The following POU6F2 variants were observed in gnomAD, a reference collection of about 807,000 sequenced individuals.
The protein encoded by POU6F2 is POU class 6 homeobox 2.
POU6F2 carries 31 observed loss-of-function variants against 71.3 expected under a neutral mutation model. That is an observed-to-expected ratio of 0.43 (90% CI 0.33 to 0.59). The LOEUF (loss-of-function observed/expected upper bound fraction) is 0.59, where lower values mean the gene tolerates loss of function less well. Ranked by LOEUF, POU6F2 falls within the 20% of genes least tolerant of loss-of-function variation. The pLI is 0.04. For synonymous variants in POU6F2, 347 were observed against 355.7 expected (o/e 0.98, Z 0.27); for missense variants, 783 against 856.8 (o/e 0.91, Z 1.07).
At chr7:39,430,483 G>A (rs765566950) in intron 6 of POU6F2, among the ~76,000 whole-genome samples, 5 of 152,210 alleles carry the variant, frequency 3.3e-5, no homozygotes, top group East Asian at 1.9e-4. Flanking sequence ...CATAGGCAGC[G>A]CCATGTTTTA....
intron 4 of POU6F2, among the ~76,000 whole-genome samples, chr7:39,273,652 A>G (rs1326535173): frequency 2.0e-5 from 3 of 152,050 alleles, no homozygotes; most frequent in Non-Finnish European, 4.4e-5. Context: ...AACTGGAAAA[A>G]GCCTGTAAGA....
At chr7:39,087,153 TTA>T (rs774224021) in intron 2 of POU6F2, among the ~76,000 whole-genome samples, 36,389 of 138,524 alleles carry the variant, frequency 0.26, 4,773 homozygotes, top group South Asian at 0.4. Flanking sequence ...TATTAATTAA[TTA>T]ATTAATTTAT....
At chr7:39,373,052 T>C (rs75616374) in intron 5 of POU6F2, among the ~76,000 whole-genome samples, 22,508 of 152,206 alleles carry the variant, frequency 0.15, 1,881 homozygotes, top group Admixed American at 0.22. Flanking sequence ...TGTGTGATCT[T>C]AGGCAAGTTG....
chr7:38,987,510 T>A (rs1292341722), intron 1 of POU6F2, among the ~76,000 whole-genome samples: 1 of 152,148 alleles, frequency 6.6e-6, no homozygotes, highest in African/African-American at 2.4e-5. Context: ...TTCATGGTAA[T>A]TAATGTCAGT....
chr7:39,331,487 T>C (rs1254231362), intron 4 of POU6F2, among the ~76,000 whole-genome samples: 1 of 152,058 alleles, frequency 6.6e-6, no homozygotes. Context: ...GGTATCTCAC[T>C]CCGGTTTTGT....
Position 39,400,409 on chromosome 7 carries a change from C to G in POU6F2, c.973-6191C>G, listed in dbSNP as rs192191366. Among the ~76,000 whole-genome samples the G allele has an allele frequency of 9.2e-5, 14 of 152,334 alleles. No individual in the cohort carries two copies. In the East Asian group the frequency reaches 2.7e-3, roughly 29 times the overall value. The stretch of plus-strand genomic sequence containing the variant: ...GAGTTGCCCCCACACCTTGGGCTTT[C>G]AATGACCTGCATCTGAAGGCTTTCT... On this transcript the variant is annotated intron_variant, in intron 5 of 9. Transcript: ENST00000518318.
chr7:39,320,569 T>C (rs1442497168), intron 4 of POU6F2, among the ~76,000 whole-genome samples: 6 of 152,208 alleles, frequency 3.9e-5, no homozygotes, highest in Admixed American at 3.9e-4. Flanking sequence ...TGTTCTAATG[T>C]TGGCTAACAA....
chr7:39,012,809 T>G (rs1405330994), intron 1 of POU6F2, among the ~76,000 whole-genome samples: 1 of 151,310 alleles, frequency 6.6e-6, no homozygotes, highest in African/African-American at 2.4e-5. Context: ...GTGCCCCTGC[T>G]GGGGGGTGCC....
intron 1 of POU6F2, among the ~76,000 whole-genome samples, chr7:38,979,803 A>G (rs10263813): frequency 0.046 from 7,036 of 152,196 alleles, 420 homozygotes; most frequent in African/African-American, 0.14. Flanking sequence ...GGTTCTTAAT[A>G]CCGTGCAGAA....
intron 2 of POU6F2, among the ~76,000 whole-genome samples, chr7:39,113,147 G>A (rs769005694): frequency 8.5e-5 from 13 of 152,132 alleles, no homozygotes; most frequent in Non-Finnish European, 1.6e-4. Context: ...TCAAGGAAGG[G>A]CCTCTTGGTA....
chr7:39,369,848 A>ATT lies in POU6F2; in HGVS notation c.972+29847_972+29848dup, dbSNP rs534189300. On this transcript the variant is annotated intron_variant, in intron 5 of 9. Transcript: ENST00000518318. Reference sequence around the variant, plus strand: ...ACAGACACACACCACCACTCGCAGCATTTTTTTTTTTTTTTGGTGGGGGTG... The same window carrying ATT: ...ACAGACACACACCACCACTCGCAGCATTTTTTTTTTTTTTTTTGGTGGGGGTG... 8.4e-4 allele frequency among the ~76,000 whole-genome samples: 114 copies of ATT among 135,474 alleles called. 1 individual carries two copies. The highest frequency in any genetic ancestry group is 1.1e-3 in the Non-Finnish European group (69 of 62,652). The allele number at this position is 135,474 out of a possible 152,430, so 88.9% of individuals were successfully genotyped here.
chr7:39,227,709 C>A (rs535033330), intron 4 of POU6F2, among the ~76,000 whole-genome samples: 1 of 152,240 alleles, frequency 6.6e-6, no homozygotes, highest in African/African-American at 2.4e-5. Context: ...CATCCGCCAC[C>A]ACGCTTGGCT....
chr7:39,024,388 G>A (rs1448882065), intron 1 of POU6F2, among the ~76,000 whole-genome samples: 1 of 151,932 alleles, frequency 6.6e-6, no homozygotes, highest in Non-Finnish European at 1.5e-5. Context: ...TTGCTTATCA[G>A]CTTAAGGAGA....
In POU6F2 at chr7:39,113,588, A is replaced by C. The variant is rs529974469; in HGVS notation, c.277+27557A>C. Among the ~76,000 whole-genome samples, 5 of 152,330 alleles carry C rather than the reference A, an allele frequency of 3.3e-5. No homozygotes were observed. In the East Asian group the frequency reaches 5.8e-4, roughly 18 times the overall value. ...TAAAGATCTGGCCAGCAACCTAGTC[A>C]ACTCGAAACAATCTGGAAATTTGAA... On this transcript the variant is annotated intron_variant, in intron 2 of 9. Transcript: ENST00000518318.
At chr7:39,015,460 A>G (rs1412360315) in intron 1 of POU6F2, among the ~76,000 whole-genome samples, 1 of 123,460 alleles carries the variant, frequency 8.1e-6, no homozygotes, top group Non-Finnish European at 1.6e-5. Context: ...ATATTATTAT[A>G]TATAGATATA....
intron 2 of POU6F2, among the ~76,000 whole-genome samples, chr7:39,176,738 AAT>A (rs1584584164): frequency 6.6e-6 from 1 of 152,240 alleles, no homozygotes; most frequent in East Asian, 1.9e-4. Context: ...GTTAGCAAGA[AAT>A]AACACATTTT....
intron 4 of POU6F2, among the ~76,000 whole-genome samples, chr7:39,282,583 G>A (rs116774802): frequency 6.6e-6 from 1 of 152,232 alleles, no homozygotes; most frequent in East Asian, 1.9e-4. Context: ...TCAAAAATCA[G>A]TTCGCTGTAA....
chr7:39,015,700 T>TATATGATATATAACATATAGATATA (rs1554308030), intron 1 of POU6F2, among the ~76,000 whole-genome samples: 1 of 84,486 alleles, frequency 1.2e-5, no homozygotes, highest in Non-Finnish European at 2.2e-5. Context: ...CTATATATTA[T>TATATGATATATAACATATAGATATA]ATATATCTAT....
chr7:39,102,667 T>C (rs1274321546), intron 2 of POU6F2, among the ~76,000 whole-genome samples: 3 of 152,098 alleles, frequency 2.0e-5, no homozygotes, highest in South Asian at 2.1e-4. Flanking sequence ...TGCATATATA[T>C]ACACACACAC....
Sources: allele counts gnomAD v4.1 joint callset (sites outside exome capture counted in the v4.1 genomes callset), GRCh38; gene constraint gnomAD v4.1.1; transcripts MANE v1.5; gene names NCBI Gene and HGNC (gene_info 2026-07-23, HGNC 2026-07-21).